Variants in MX1 observed in about 807,000 individuals in gnomAD.
MX1 encodes the protein interferon-induced GTP-binding protein Mx1.
MX1 carries 66 observed loss-of-function variants against 66.4 expected under a neutral mutation model. That is an observed-to-expected ratio of 0.99 (90% CI 0.82 to 1.22). The LOEUF is 1.22. MX1 is among the 50% of genes most tolerant of loss of function. The probability of loss-of-function intolerance (pLI) is 0.00; values close to 1 mark genes in which losing one functional copy is unlikely to be tolerated. For synonymous variants in MX1, 311 were observed against 318.1 expected, an observed-to-expected ratio of 0.98 and a Z score of 0.24; for missense variants, 787 against 834.3, an observed-to-expected ratio of 0.94 and a Z score of 0.70.
chr21:41,425,098 T>TA (rs1321214701), upstream of MX1, among the ~76,000 whole-genome samples: 2 of 152,218 alleles, frequency 1.3e-5, no homozygotes, highest in Non-Finnish European at 2.9e-5. Context: ...GCCTATGTGT[T>TA]ACTTCTAAAT....
Position 41,439,941 on chromosome 21 carries a change from C to A in MX1, c.591+93C>A. 4.4e-6 allele frequency: 6 copies of A among 1,373,696 alleles called. No individual in the cohort carries two copies. The South Asian group carries it at 6.9e-5, about 16-fold the overall frequency. 85.1% of individuals were successfully genotyped at this position (1,373,696 alleles called of 1,614,324 possible). A position where few individuals can be genotyped will look rare whatever the true frequency, so the allele number is the denominator to read the frequency against. On this transcript the variant is annotated intron_variant, in intron 8 of 16. Transcript: ENST00000398598. ...GAAAGAGGGTACTGTATTAGAGTAA[C>A]CGTGAGTCCAGAGCTGAGTTTTGGA...
chr21:41,454,924 T>G (rs892017484), intron 16 of MX1, among the ~76,000 whole-genome samples: 3 of 139,148 alleles, frequency 2.2e-5, no homozygotes, highest in Non-Finnish European at 4.6e-5. Flanking sequence ...TTTTTTTTTT[T>G]GAAACCGAGT....
intron 10 of MX1, 128 bp downstream of exon 10, chr21:41,442,042 C>CGT (rs1491061254): frequency 5.4e-6 from 4 of 743,680 alleles, no homozygotes; most frequent in African/African-American, 1.7e-5. Flanking sequence ...TGTGTGTGCG[C>CGT]GTGTGTGTGT....
At position 41,441,264 on chromosome 21, in the gene MX1, G is replaced by T. The variant is rs896127567; in HGVS notation, c.730+239G>T. 37 of 547,576 alleles carry T rather than the reference G, an allele frequency of 6.8e-5. No homozygotes were observed. The highest frequency in any genetic ancestry group is 1.0e-4 in the Non-Finnish European group (32 of 316,858). 33.9% of individuals were successfully genotyped at this position (547,576 alleles called of 1,614,324 possible). A position where few individuals can be genotyped will look rare whatever the true frequency, so the allele number is the denominator to read the frequency against. On this transcript the variant is annotated intron_variant, in intron 9 of 16. Coordinates refer to ENST00000398598, the MANE Select transcript of MX1 (RefSeq NM_002462.5). The surrounding 1 kb of genome is among the most constrained non-coding windows in gnomAD (Gnocchi z 4.0). ...TAAGACCTGCTAAGGGAGCAGGTTT[G>T]GTGCCCACCAAGGCCAAGTGAAATG...
chr21:41,445,818 A>G lies in MX1; in HGVS notation c.1132-182A>G, dbSNP rs551897205. On this transcript the variant is annotated intron_variant, in intron 12 of 16. Transcript: ENST00000398598. The stretch of plus-strand genomic sequence containing the variant: ...TGTCACGAGCATCACCCAGATCCCT[A>G]AGGCAGTAAGGGGTGGGATAGGATT... 4.3e-5 allele frequency: 36 copies of G among 843,546 alleles called. No individual in the cohort carries two copies. The South Asian group carries it at 4.9e-4, about 12-fold the overall frequency. The allele number at this position is 843,546 out of a possible 1,614,324, so 52.3% of individuals were successfully genotyped here.
intron 13 of MX1, 105 bp from the exon 14 acceptor site, chr21:41,449,032 T>G: frequency 2.8e-6 from 3 of 1,053,240 alleles, no homozygotes; most frequent in Non-Finnish European, 4.0e-6. Context: ...TACCACTTTT[T>G]CTTGCCATTT....
chr21:41,439,656 G>A lies in MX1; in HGVS notation c.437-38G>A, dbSNP rs536474833. On this transcript the variant is annotated intron_variant, in intron 7 of 16. Transcript: ENST00000398598. ...CCATCATGAGATCCGTTTATCCTAA[G>A]CTCTGTTTGGGTTTGATTTTCCCTG... The A allele has an allele frequency of 4.4e-6, 7 of 1,603,546 alleles. No individual in the cohort carries two copies. In the South Asian group the frequency reaches 7.7e-5, roughly 18 times the overall value.
chr21:41,429,020 G>A (rs2090140360), intron 3 of MX1: 1 of 152,356 alleles, frequency 6.6e-6, no homozygotes, highest in East Asian at 1.9e-4. Flanking sequence ...AGTAGCGAGT[G>A]GATGGAGGGC....
intron 8 of MX1, among the ~76,000 whole-genome samples, chr21:41,440,459 A>G (rs1359818039): frequency 6.6e-6 from 1 of 152,246 alleles, no homozygotes; most frequent in East Asian, 1.9e-4. Flanking sequence ...AGCCTGGGCA[A>G]CAGAGCAAGA....
chr21:41,437,474 TAA>T lies in MX1; in HGVS notation c.436+333_436+334del, dbSNP rs3216170. 1.0e-3 allele frequency among the ~76,000 whole-genome samples: 149 copies of T among 148,822 alleles called. 2 individuals are homozygous for T. The highest frequency in any genetic ancestry group is 8.8e-3 in the South Asian group (41 of 4,666). On this transcript the variant is annotated intron_variant, in intron 7 of 16. Transcript: ENST00000398598. ...GGCAACATAGTGAGACCCCGTCTCT[TAA>T]AAAAAAAAAATTAAAATAGCTGGGC...
chr21:41,443,569 A>C, intron 10 of MX1: 7 of 564,492 alleles, frequency 1.2e-5, no homozygotes, highest in Non-Finnish European at 1.3e-5. Context: ...ATCAGCTGGA[A>C]GAGCTCATTC....
chr21:41,431,991 TC>T, intron 4 of MX1, 58 bp from the exon 5 acceptor site: 1 of 1,444,294 alleles, frequency 6.9e-7, no homozygotes, highest in Non-Finnish European at 9.6e-7. Context: ...TGGGTTTGGT[TC>T]CATGGTTGAA....
In MX1 at chr21:41,458,853, G is replaced by T; in HGVS notation, c.*95G>T. 6.7e-7 allele frequency: 1 copy of T among 1,500,284 alleles called. No individual in the cohort carries two copies. The highest frequency in any genetic ancestry group is 1.3e-5 in the South Asian group (1 of 77,006). The allele number at this position is 1,500,284 out of a possible 1,614,324, so 92.9% of individuals were successfully genotyped here. On this transcript the variant is annotated 3_prime_UTR_variant, in exon 17 of 17. Coordinates refer to ENST00000398598, the MANE Select transcript of MX1 (RefSeq NM_002462.5). The stretch of plus-strand genomic sequence containing the variant: ...TGACGACTTGAGTGCTCAGTAGTCA[G>T]ACTGGATAGTCCGTCTCTGCTTATC...
chr21:41,427,037 C>T (rs2090082878), intron 1 of MX1, 169 bp from the exon 2 acceptor site: 1 of 152,156 alleles, frequency 6.6e-6, no homozygotes, highest in African/African-American at 2.4e-5. Flanking sequence ...CACCAACACT[C>T]ACAGCAGGTG....
intron 14 of MX1, among the ~76,000 whole-genome samples, chr21:41,449,948 C>T (rs867901119): frequency 6.6e-5 from 10 of 152,238 alleles, no homozygotes; most frequent in South Asian, 6.2e-4. Context: ...TTCTAGTGCC[C>T]GGCCCCAATC....
intron 16 of MX1, among the ~76,000 whole-genome samples, chr21:41,457,891 T>C (rs1312767713): frequency 6.6e-6 from 1 of 152,200 alleles, no homozygotes; most frequent in Admixed American, 6.5e-5. Context: ...ACCATCCTAC[T>C]GTCTGTCTCT....
In MX1 at chr21:41,451,851, ACAAAC is replaced by A. The variant is rs148621956; in HGVS notation, c.1509+609_1509+613del. ...CCCCGTCTCAAAAAAAAAAAAAAAA[ACAAAC>A]AAAAAAACTTTCCATCCAGAGTGAG... On this transcript the variant is annotated intron_variant, in intron 15 of 16. Transcript: ENST00000398598. Among the ~76,000 whole-genome samples the A allele has an allele frequency of 7.5e-4, 104 of 138,668 alleles. 9 individuals are homozygous for A. The highest frequency in any genetic ancestry group is 3.9e-3 in the Middle Eastern group (1 of 258). 91.0% of individuals were successfully genotyped at this position (138,668 alleles called of 152,430 possible).
intron 6 of MX1, among the ~76,000 whole-genome samples, chr21:41,436,367 G>A (rs1831510097): frequency 6.6e-6 from 1 of 152,232 alleles, no homozygotes; most frequent in South Asian, 2.1e-4. Flanking sequence ...AGTCCCATTA[G>A]GGGTTAGGGC....
chr21:41,448,308 C>G (rs907139325), intron 13 of MX1, among the ~76,000 whole-genome samples: 1 of 152,196 alleles, frequency 6.6e-6, no homozygotes, highest in Non-Finnish European at 1.5e-5. Context: ...CTGGTTTACT[C>G]TGTTATCCCA....
Sources: gnomAD v4.1 joint callset for allele counts (sites outside exome capture counted in the v4.1 genomes callset) on GRCh38, gnomAD v4.1.1 for gene constraint, Gnocchi (gnomAD v3.1) non-coding constraint, MANE v1.5 for transcripts, NCBI Gene and HGNC (gene_info 2026-07-23, HGNC 2026-07-21) for gene names.